Variants in EPHA5 observed in about 807,000 individuals in gnomAD.
EPHA5 encodes EPH receptor A5, also known as ephrin type-A receptor 5.
EPHA5 carries 60 observed loss-of-function variants against 105.0 expected under a neutral mutation model. The observed-to-expected ratio is 0.57, with a 90% CI of 0.46 to 0.71. The LOEUF (loss-of-function observed/expected upper bound fraction) is 0.71, where lower values mean the gene tolerates loss of function less well. Among genes scored for constraint, EPHA5 ranks in the 30% least tolerant of loss-of-function variants. EPHA5 has a pLI of 0.00. For missense variants in EPHA5, 1,218 were observed against 1,274.7 expected, an observed-to-expected ratio of 0.96 and a Z score of 0.68; for synonymous variants, 513 against 449.1, an observed-to-expected ratio of 1.14 and a Z score of -1.80.
intron 5 of EPHA5, among the ~76,000 whole-genome samples, chr4:65,466,139 C>T (rs989031519): frequency 2.6e-5 from 4 of 152,300 alleles, no homozygotes; most frequent in South Asian, 2.1e-4. Flanking sequence ...TGTGTGCCCA[C>T]GTGTGTACAC....
At chr4:65,558,122 C>T (rs910543711) in intron 3 of EPHA5, among the ~76,000 whole-genome samples, 3 of 151,992 alleles carry the variant, frequency 2.0e-5, no homozygotes, top group Non-Finnish European at 2.9e-5. Context: ...GGTGATCTGC[C>T]CACCTCAACC....
intron 3 of EPHA5, among the ~76,000 whole-genome samples, chr4:65,575,812 A>G (rs1260798907): frequency 2.0e-5 from 3 of 151,574 alleles, no homozygotes; most frequent in Admixed American, 6.6e-5. Context: ...TCCTGTCTCT[A>G]CTAAAAATAC....
chr4:65,562,442 G>GA (rs1220439295), intron 3 of EPHA5, among the ~76,000 whole-genome samples: 2 of 151,804 alleles, frequency 1.3e-5, no homozygotes, highest in East Asian at 3.9e-4. Context: ...TGTTTTAGGG[G>GA]AAAAAAGATG....
chr4:65,652,658 A>C (rs1241146554), intron 1 of EPHA5, among the ~76,000 whole-genome samples: 1 of 152,098 alleles, frequency 6.6e-6, no homozygotes, highest in Non-Finnish European at 1.5e-5. Flanking sequence ...ACTTAATCCT[A>C]CATATCAATG....
At chr4:65,646,264 C>A (rs1255996185) in intron 1 of EPHA5, among the ~76,000 whole-genome samples, 3 of 152,136 alleles carry the variant, frequency 2.0e-5, no homozygotes, top group Admixed American at 1.3e-4. Context: ...GCACAGAATT[C>A]TCTTATAAGA....
At chr4:65,518,673 C>T (rs557113008) in intron 3 of EPHA5, among the ~76,000 whole-genome samples, 28 of 151,900 alleles carry the variant, frequency 1.8e-4, no homozygotes, top group African/African-American at 6.7e-4. Context: ...GGAAATGTAC[C>T]CTTTAAATAG....
At chr4:65,512,400 A>G (rs1026170253) in intron 3 of EPHA5, among the ~76,000 whole-genome samples, 1 of 152,164 alleles carries the variant, frequency 6.6e-6, no homozygotes, top group African/African-American at 2.4e-5. Flanking sequence ...CTCATGTTCA[A>G]TTGTAATCCC....
At chr4:65,497,427 G>A (rs1430750227) in intron 3 of EPHA5, among the ~76,000 whole-genome samples, 3 of 152,040 alleles carry the variant, frequency 2.0e-5, no homozygotes, top group Non-Finnish European at 2.9e-5. Flanking sequence ...GTATTTGAAA[G>A]ATAAAAAGAG....
intron 3 of EPHA5, among the ~76,000 whole-genome samples, chr4:65,596,358 C>G (rs1414961190): frequency 6.6e-6 from 1 of 151,978 alleles, no homozygotes; most frequent in Non-Finnish European, 1.5e-5. Context: ...CCCAAGAAAG[C>G]TGCTAAACAG....
intron 3 of EPHA5, among the ~76,000 whole-genome samples, chr4:65,574,651 T>TAC (rs1427706111): frequency 8.9e-6 from 1 of 112,102 alleles, no homozygotes; most frequent in Admixed American, 9.3e-5. Context: ...CACATATATA[T>TAC]ACACATATAT....
intron 5 of EPHA5, among the ~76,000 whole-genome samples, chr4:65,487,071 C>T (rs1730950118): frequency 1.3e-5 from 2 of 152,190 alleles, no homozygotes; most frequent in South Asian, 4.1e-4. Flanking sequence ...TTGGAAGCCT[C>T]CTGGGGCCTC....
At chr4:65,574,944 T>C (rs1296928056) in intron 3 of EPHA5, among the ~76,000 whole-genome samples, 2 of 151,666 alleles carry the variant, frequency 1.3e-5, no homozygotes, top group African/African-American at 4.8e-5. Flanking sequence ...AATAACTTAT[T>C]TTATTGAACA....
intron 5 of EPHA5, among the ~76,000 whole-genome samples, chr4:65,460,614 A>G (rs1304405906): frequency 6.6e-6 from 1 of 151,670 alleles, no homozygotes. Context: ...GGCATTTAAA[A>G]TATAGCAATA....
chr4:65,332,659 A>G (rs1720748422), intron 15 of EPHA5, among the ~76,000 whole-genome samples: 1 of 151,700 alleles, frequency 6.6e-6, no homozygotes, highest in South Asian at 2.1e-4. Context: ...GGTAAGGAGT[A>G]CTTGGGAGAT....
At chr4:65,630,067 ACT>A (rs761380491) in intron 2 of EPHA5, among the ~76,000 whole-genome samples, 1,454 of 133,480 alleles carry the variant, frequency 0.011, 14 homozygotes, top group Middle Eastern at 0.02. Context: ...ACACACACAC[ACT>A]CTCTCTCTCT....
intron 8 of EPHA5, among the ~76,000 whole-genome samples, chr4:65,379,507 C>T (rs994003051): frequency 1.4e-4 from 21 of 151,564 alleles, no homozygotes; most frequent in Non-Finnish European, 3.0e-5. Flanking sequence ...AGGTTGACAG[C>T]TATAAAATAG....
At chr4:65,502,470 GA>G (rs1306004945) in intron 3 of EPHA5, among the ~76,000 whole-genome samples, 1 of 150,142 alleles carries the variant, frequency 6.7e-6, no homozygotes, top group Non-Finnish European at 1.5e-5. Context: ...CTTCTCAAAA[GA>G]AAAGATACAG....
intron 14 of EPHA5, among the ~76,000 whole-genome samples, chr4:65,343,363 A>G (rs1416599257): frequency 6.6e-6 from 1 of 152,064 alleles, no homozygotes; most frequent in Non-Finnish European, 1.5e-5. Context: ...GGAAGAGGCA[A>G]TCCTAAATCC....
Position 65,512,590 on chromosome 4 carries a change from T to G in EPHA5, c.911-17047A>C, listed in dbSNP as rs551063241. Among the ~76,000 whole-genome samples, 6 of 152,124 alleles carry G rather than the reference T, an allele frequency of 3.9e-5. No individual in the cohort carries two copies. The South Asian group carries it at 1.2e-3, about 32-fold the overall frequency. ...CTCTTGCTGCTATGGCCATCTGAAG[T>G]GCCGGCTTCTCCTTCACGGTCTACC... On this transcript the variant is annotated intron_variant, in intron 3 of 16. Transcript: ENST00000613740.
Sources: allele counts gnomAD v4.1 joint callset (sites outside exome capture counted in the v4.1 genomes callset), GRCh38; gene constraint gnomAD v4.1.1; transcripts MANE v1.5; gene names NCBI Gene and HGNC (gene_info 2026-07-23, HGNC 2026-07-21).